Variants in TRAF5 observed in about 807,000 individuals in gnomAD.
TRAF5 encodes TNF receptor-associated factor 5.
TRAF5 carries 48 observed loss-of-function variants against 64.5 expected under a neutral mutation model. That is an observed-to-expected ratio of 0.74 (90% CI 0.59 to 0.95). TRAF5 has a LOEUF of 0.95. Ranked by LOEUF, TRAF5 falls within the 40% of genes least tolerant of loss-of-function variation. The pLI, the probability that TRAF5 is intolerant of heterozygous loss-of-function variation, is 0.00. For missense variants in TRAF5, 545 were observed against 662.8 expected, an observed-to-expected ratio of 0.82 and a Z score of 1.95; for synonymous variants, 206 against 240.5, an observed-to-expected ratio of 0.86 and a Z score of 1.33.
intron 8 of TRAF5, among the ~76,000 whole-genome samples, chr1:211,367,463 A>G (rs1262685376): frequency 2.0e-5 from 3 of 152,244 alleles, no homozygotes; most frequent in Non-Finnish European, 4.4e-5. Flanking sequence ...AGCTAGTAGT[A>G]CAATGCCTAA....
At chr1:211,329,152 G>C (rs888760505) in intron 1 of TRAF5, among the ~76,000 whole-genome samples, 12 of 152,206 alleles carry the variant, frequency 7.9e-5, no homozygotes, top group African/African-American at 2.9e-4. Context: ...CATCCACTCT[G>C]TTAGCTCTGC....
Position 211,353,348 on chromosome 1 carries a change from G to A in TRAF5, c.109G>A (p.Glu37Lys). 2 of 1,614,184 alleles carry A rather than the reference G, an allele frequency of 1.2e-6. No individual in the cohort carries two copies. Among genetic ancestry groups the A allele is most frequent in the East Asian group, 2.2e-5 (1 of 44,882 alleles). ...FEPSIEYQFV[E>K]RLEERYKCAF... ...GCCCAGTATAGAGTACCAGTTTGTG[G>A]AGCGGTTGGAAGAGCGCTACAAATG... Residue 37 changes from glutamate to lysine, a missense_variant, in exon 2 of 11, where the codon GAG becomes AAG. Transcript: ENST00000261464.
chr1:211,345,904 GA>G (rs1384529427), intron 1 of TRAF5, among the ~76,000 whole-genome samples: 13 of 152,334 alleles, frequency 8.5e-5, no homozygotes, highest in African/African-American at 2.9e-4. Flanking sequence ...AACCTAACCA[GA>G]AGCCAGGGAG....
In TRAF5 at chr1:211,336,592, A is replaced by G. The variant is rs183597355; in HGVS notation, c.-2+9703A>G. On this transcript the variant is annotated intron_variant, in intron 1 of 10. Transcript: ENST00000261464. ...GAGAGGCTGCTCTGCTTGCTGGAGAATAGCTGTTACAGTCATTCTGTAAGT... is the reference window on the plus strand; with the variant it reads ...GAGAGGCTGCTCTGCTTGCTGGAGAGTAGCTGTTACAGTCATTCTGTAAGT... Among the ~76,000 whole-genome samples, 4 of 152,356 alleles carry G rather than the reference A, an allele frequency of 2.6e-5. No homozygotes were observed. In the East Asian group the frequency reaches 7.7e-4, roughly 29 times the overall value.
chr1:211,365,513 C>G, intron 8 of TRAF5, 45 bp downstream of exon 8: 1 of 1,489,844 alleles, frequency 6.7e-7, no homozygotes, highest in South Asian at 1.2e-5. Flanking sequence ...AACAGAATTG[C>G]TGGGATTTAC....
chr1:211,368,909 T>C (rs1194040099), intron 8 of TRAF5: 1 of 152,250 alleles, frequency 6.6e-6, no homozygotes, highest in African/African-American at 2.4e-5. Flanking sequence ...TATAAGGGTA[T>C]GATAGACAGT....
At chr1:211,343,217 C>T (rs1351039616) in intron 1 of TRAF5, among the ~76,000 whole-genome samples, 2 of 152,060 alleles carry the variant, frequency 1.3e-5, no homozygotes, top group African/African-American at 2.4e-5. Context: ...CCTGAGGTCA[C>T]GTGGCTATGA....
At chr1:211,371,160 A>G in intron 9 of TRAF5, 142 bp from the exon 10 acceptor site, 2 of 789,864 alleles carry the variant, frequency 2.5e-6, no homozygotes, top group Non-Finnish European at 3.9e-6. Flanking sequence ...ATCCTCATTG[A>G]ATTTTATTTT....
At chr1:211,355,868 A>T (rs1048714996) in intron 3 of TRAF5, among the ~76,000 whole-genome samples, 2 of 152,238 alleles carry the variant, frequency 1.3e-5, no homozygotes, top group African/African-American at 2.4e-5. Flanking sequence ...AGCTGTGCCC[A>T]TTCATTTAAG....
At chr1:211,353,527 A>T in intron 2 of TRAF5, 70 bp downstream of exon 2, 2 of 1,470,192 alleles carry the variant, frequency 1.4e-6, no homozygotes, top group Non-Finnish European at 1.9e-6. Flanking sequence ...TGGCCACTCA[A>T]CTGTTTTCAT....
chr1:211,343,068 G>A (rs1426155995), intron 1 of TRAF5, among the ~76,000 whole-genome samples: 8 of 152,128 alleles, frequency 5.3e-5, no homozygotes, highest in African/African-American at 9.7e-5. Context: ...CCTCCATACC[G>A]TTCTTCATAG....
intron 1 of TRAF5, among the ~76,000 whole-genome samples, chr1:211,342,231 T>G (rs1193156273): frequency 6.6e-6 from 1 of 152,240 alleles, no homozygotes; most frequent in African/African-American, 2.4e-5. Flanking sequence ...CAACCCCTGA[T>G]GTATATAGTA....
intron 2 of TRAF5, among the ~76,000 whole-genome samples, 156 bp from the exon 3 acceptor site, chr1:211,354,254 G>A (rs544704381): frequency 1.2e-4 from 19 of 152,300 alleles, no homozygotes; most frequent in African/African-American, 4.6e-4. Flanking sequence ...GCTGAAGGAG[G>A]GGTACAGGAG....
intron 7 of TRAF5, among the ~76,000 whole-genome samples, chr1:211,362,173 CT>C (rs886093882): frequency 2.0e-5 from 3 of 151,998 alleles, no homozygotes; most frequent in African/African-American, 7.3e-5. Context: ...CTTTTAAATA[CT>C]TTAAAATAAT....
intron 1 of TRAF5, among the ~76,000 whole-genome samples, chr1:211,339,682 C>A (rs1395411323): frequency 6.6e-6 from 1 of 152,218 alleles, no homozygotes; most frequent in African/African-American, 2.4e-5. Context: ...AAACCAGACT[C>A]TAGGATGCCT....
chr1:211,347,128 T>G (rs1321541015), intron 1 of TRAF5, among the ~76,000 whole-genome samples: 2 of 152,168 alleles, frequency 1.3e-5, no homozygotes, highest in African/African-American at 4.8e-5. Flanking sequence ...TGAGCTGCTT[T>G]GTTGTTCCTG....
At chr1:211,351,847 C>T (rs1336669334) in intron 1 of TRAF5, among the ~76,000 whole-genome samples, 8 of 152,194 alleles carry the variant, frequency 5.3e-5, no homozygotes, top group Non-Finnish European at 1.2e-4. Flanking sequence ...GATAGTACTA[C>T]ACTGTCTTGA....
chr1:211,364,194 CA>C (rs201610484), intron 7 of TRAF5, among the ~76,000 whole-genome samples: 8 of 150,898 alleles, frequency 5.3e-5, no homozygotes, highest in African/African-American at 1.2e-4. Flanking sequence ...AGGCAGTCTA[CA>C]AAAAAAAATA....
chr1:211,363,237 C>T (rs1270878427), intron 7 of TRAF5, among the ~76,000 whole-genome samples: 1 of 152,088 alleles, frequency 6.6e-6, no homozygotes, highest in Non-Finnish European at 1.5e-5. Context: ...ATTTCACATA[C>T]ACAAAGACAC....
Sources: allele counts gnomAD v4.1 joint callset (sites outside exome capture counted in the v4.1 genomes callset), GRCh38; gene constraint gnomAD v4.1.1; transcripts MANE v1.5; gene names NCBI Gene and HGNC (gene_info 2026-07-23, HGNC 2026-07-21).